The following KDM4C variants were observed in gnomAD, a reference collection of about 807,000 sequenced individuals.
KDM4C encodes lysine demethylase 4C.
In KDM4C, 81 loss-of-function variants were observed where a neutral mutation model predicts 129.3. That is an observed-to-expected ratio of 0.63 (90% CI 0.52 to 0.75). The LOEUF is 0.75. KDM4C is among the 30% of genes least tolerant of loss of function. KDM4C has a pLI of 0.00. For missense variants in KDM4C, 1,457 were observed against 1,304.0 expected (o/e 1.12, Z -1.81); for synonymous variants, 573 against 456.1 (o/e 1.26, Z -3.26).
At chr9:7,034,114 A>G (rs940200128) in intron 15 of KDM4C, among the ~76,000 whole-genome samples, 1 of 151,894 alleles carries the variant, frequency 6.6e-6, no homozygotes, top group South Asian at 2.1e-4. Flanking sequence ...GTACATATTC[A>G]TGGGGTACAC....
At chr9:6,864,933 C>G (rs1237378452) in intron 5 of KDM4C, among the ~76,000 whole-genome samples, 2 of 150,980 alleles carry the variant, frequency 1.3e-5, no homozygotes, top group Non-Finnish European at 2.9e-5. Flanking sequence ...TTTAGTTCAG[C>G]AAATGTATTT....
chr9:6,867,715 C>G (rs9695266), intron 5 of KDM4C, among the ~76,000 whole-genome samples: 58,437 of 152,134 alleles, frequency 0.38, 11,649 homozygotes, highest in Non-Finnish European at 0.43. Context: ...TGAGCACACA[C>G]CTGTGTCAGG....
chr9:6,956,146 G>T (rs1051661484), intron 8 of KDM4C, among the ~76,000 whole-genome samples: 1 of 152,050 alleles, frequency 6.6e-6, no homozygotes, highest in Non-Finnish European at 1.5e-5. Context: ...TGGTTAATGG[G>T]TACAAAAAAA....
Position 6,914,450 on chromosome 9 carries a change from G to A in KDM4C, c.921+21218G>A, listed in dbSNP as rs180933252. Among the ~76,000 whole-genome samples the A allele has an allele frequency of 4.4e-4, 67 of 152,282 alleles. 1 individual carries two copies. Among genetic ancestry groups the A allele is most frequent in the Admixed American group, 3.5e-3 (53 of 15,298 alleles). On this transcript the variant is annotated intron_variant, in intron 8 of 21. Transcript: ENST00000381309. ...TCATTTCCTGGCTACTTGTAATACC[G>A]TTATGATATGCCACATGCTTTTGGT...
At chr9:7,001,571 C>G (rs1018442681) in intron 12 of KDM4C, among the ~76,000 whole-genome samples, 1 of 152,274 alleles carries the variant, frequency 6.6e-6, no homozygotes, top group African/African-American at 2.4e-5. Flanking sequence ...CTGAATAGTC[C>G]ATGTCTTTAT....
chr9:7,068,258 G>A (rs1832712902), intron 17 of KDM4C, among the ~76,000 whole-genome samples: 1 of 152,032 alleles, frequency 6.6e-6, no homozygotes. Context: ...TTTCTTAAGG[G>A]TAGTTGTATT....
chr9:7,086,784 C>T (rs1212619512), intron 17 of KDM4C, among the ~76,000 whole-genome samples: 1 of 152,176 alleles, frequency 6.6e-6, no homozygotes, highest in African/African-American at 2.4e-5. Flanking sequence ...AAGACAGTTA[C>T]AAGGACAGTT....
At chr9:6,742,162 G>C (rs1034415802) in intron 1 of KDM4C, among the ~76,000 whole-genome samples, 13 of 149,196 alleles carry the variant, frequency 8.7e-5, no homozygotes, top group African/African-American at 2.8e-4. Flanking sequence ...TAGTAGAGAT[G>C]AGGTTTCACC....
At chr9:6,950,847 A>G (rs1828016744) in intron 8 of KDM4C, among the ~76,000 whole-genome samples, 2 of 152,102 alleles carry the variant, frequency 1.3e-5, no homozygotes, top group East Asian at 1.9e-4. Flanking sequence ...TGCTCTACCA[A>G]AAAGCTGTGG....
At chr9:6,954,154 T>G (rs1428351770) in intron 8 of KDM4C, among the ~76,000 whole-genome samples, 4 of 152,224 alleles carry the variant, frequency 2.6e-5, no homozygotes, top group African/African-American at 9.6e-5. Context: ...CTTCTGTCCC[T>G]TCGTACACAG....
intron 17 of KDM4C, among the ~76,000 whole-genome samples, chr9:7,102,210 G>A (rs562457389): frequency 6.6e-6 from 1 of 151,010 alleles, no homozygotes; most frequent in Admixed American, 6.6e-5. Context: ...AATCACATAA[G>A]TACCTAATGT....
At chr9:6,784,126 C>G (rs1053759345) in intron 1 of KDM4C, among the ~76,000 whole-genome samples, 4 of 151,984 alleles carry the variant, frequency 2.6e-5, no homozygotes, top group Non-Finnish European at 4.4e-5. Context: ...ATGCTAAATT[C>G]TTACATTTAG....
intron 5 of KDM4C, among the ~76,000 whole-genome samples, chr9:6,867,640 A>C (rs1169040451): frequency 6.6e-6 from 1 of 152,198 alleles, no homozygotes; most frequent in Non-Finnish European, 1.5e-5. Flanking sequence ...TGCTGTTACA[A>C]AACATTGCAT....
chr9:6,987,752 T>A (rs1052910027), intron 11 of KDM4C, among the ~76,000 whole-genome samples: 22 of 152,304 alleles, frequency 1.4e-4, no homozygotes, highest in African/African-American at 5.1e-4. Context: ...GTATATCTCA[T>A]TGAATTATAA....
intron 17 of KDM4C, among the ~76,000 whole-genome samples, chr9:7,080,576 A>T (rs1834412894): frequency 6.6e-6 from 1 of 152,234 alleles, no homozygotes; most frequent in Non-Finnish European, 1.5e-5. Context: ...TCAGATAAAA[A>T]ACAAGTCTGT....
intron 17 of KDM4C, among the ~76,000 whole-genome samples, chr9:7,086,108 A>G (rs540960074): frequency 6.6e-6 from 1 of 152,326 alleles, no homozygotes; most frequent in East Asian, 1.9e-4. Context: ...CAGTGAGCCG[A>G]GATCATGCCA....
At chr9:6,777,746 A>G (rs1245971128) in intron 1 of KDM4C, among the ~76,000 whole-genome samples, 1 of 151,558 alleles carries the variant, frequency 6.6e-6, no homozygotes, top group Non-Finnish European at 1.5e-5. Flanking sequence ...TGGCTAATCA[A>G]ATGTAACATT....
chr9:6,753,525 C>T (rs1237593406), upstream of KDM4C, among the ~76,000 whole-genome samples: 1 of 152,180 alleles, frequency 6.6e-6, no homozygotes, highest in South Asian at 2.1e-4. Context: ...CCTCCTGCCT[C>T]AGCCTCCCAG....
chr9:6,857,704 T>C (rs1840114748), intron 5 of KDM4C, among the ~76,000 whole-genome samples: 1 of 152,002 alleles, frequency 6.6e-6, no homozygotes, highest in Admixed American at 6.6e-5. Flanking sequence ...CTAATCCTAA[T>C]AATGTCAGTC....
Sources: allele counts gnomAD v4.1 joint callset (sites outside exome capture counted in the v4.1 genomes callset), GRCh38; gene constraint gnomAD v4.1.1; transcripts MANE v1.5; gene names NCBI Gene and HGNC (gene_info 2026-07-23, HGNC 2026-07-21).